Variants in C2orf15 observed in about 807,000 individuals in gnomAD.
C2orf15 encodes chromosome 2 open reading frame 15, also known as uncharacterized protein C2orf15.
In C2orf15, 3 loss-of-function variants were observed where a neutral mutation model predicts 4.4. That is an observed-to-expected ratio of 0.67 (90% confidence interval 0.31 to 1.74). The LOEUF (loss-of-function observed/expected upper bound fraction) is 1.74, where lower values mean the gene tolerates loss of function less well. C2orf15 is among the 40% of genes most tolerant of loss of function. The probability of loss-of-function intolerance (pLI) is 0.09; values close to 1 mark genes in which losing one functional copy is unlikely to be tolerated. For synonymous variants in C2orf15, 37 were observed against 36.8 expected (o/e 1.00, Z -0.02); for missense variants, 90 against 103.3 (o/e 0.87, Z 0.56).
At chr2:99,144,310 C>A (rs1303122257) in intron 2 of C2orf15, among the ~76,000 whole-genome samples, 1 of 152,062 alleles carries the variant, frequency 6.6e-6, no homozygotes, top group Non-Finnish European at 1.5e-5. Context: ...CATGAGCCAC[C>A]GCGCCCGGCC....
At chr2:99,146,180 G>A (rs1284749168) in intron 2 of C2orf15, among the ~76,000 whole-genome samples, 1 of 152,192 alleles carries the variant, frequency 6.6e-6, no homozygotes, top group Non-Finnish European at 1.5e-5. Context: ...CTACTCGGGA[G>A]GCCTCAGCAG....
chr2:99,148,549 T>TATGG (rs1395814512), intron 3 of C2orf15, among the ~76,000 whole-genome samples: 1 of 152,220 alleles, frequency 6.6e-6, no homozygotes, highest in Non-Finnish European at 1.5e-5. Flanking sequence ...CAGTCACAAA[T>TATGG]ATGGATAAAC....
At chr2:99,149,513 G>C (rs1045678891) in intron 3 of C2orf15, among the ~76,000 whole-genome samples, 1 of 150,058 alleles carries the variant, frequency 6.7e-6, no homozygotes, top group Non-Finnish European at 1.5e-5. Flanking sequence ...CGCGATCTCG[G>C]CTCACTGCAA....
rs1302164233 is a variant in C2orf15, at chr2:99,142,382, A to C, written c.-188A>C. 6.6e-6 allele frequency: 1 copy of C among 152,236 alleles called. No homozygotes were observed. Among genetic ancestry groups the C allele is most frequent in the African/African-American group, 2.4e-5 (1 of 41,462 alleles). 9.4% of individuals were successfully genotyped at this position (152,236 alleles called of 1,614,324 possible). On this transcript the variant is annotated 5_prime_UTR_variant, in exon 2 of 4. Transcript: ENST00000650052. ...AGTAAGCTCTCGTTTGAGGAGACTAACAATTCCTGTTTTCGCCAGGTGAGT... is the reference window on the plus strand; with the variant it reads ...AGTAAGCTCTCGTTTGAGGAGACTACCAATTCCTGTTTTCGCCAGGTGAGT...
At chr2:99,143,229 C>T (rs1176587432) in intron 2 of C2orf15, among the ~76,000 whole-genome samples, 1 of 150,400 alleles carries the variant, frequency 6.6e-6, no homozygotes, top group Non-Finnish European at 1.5e-5. Context: ...GCAACCTCCG[C>T]CTCCCGGGTT....
At chr2:99,146,447 AT>A (rs919579514) in intron 2 of C2orf15, among the ~76,000 whole-genome samples, 22 of 151,676 alleles carry the variant, frequency 1.5e-4, no homozygotes, top group African/African-American at 5.1e-4. Flanking sequence ...TTTTGTTTAT[AT>A]TTTTTTCATT....
chr2:99,143,286 C>T (rs912521501), intron 2 of C2orf15, among the ~76,000 whole-genome samples: 2 of 151,196 alleles, frequency 1.3e-5, no homozygotes, highest in East Asian at 1.9e-4. Flanking sequence ...GGACTACAGG[C>T]GCCCACTACT....
Position 99,144,649 on chromosome 2 carries a change from C to CA in C2orf15, c.-169+2270dup, listed in dbSNP as rs70940140. On this transcript the variant is annotated intron_variant, in intron 2 of 3. Transcript: ENST00000650052. ...GGGGGACAAGAACAAAACTCTGTCTCAAAAAAAAAAAAAAAAAAAAAAGAT... is the reference window on the plus strand; with the variant it reads ...GGGGGACAAGAACAAAACTCTGTCTCAAAAAAAAAAAAAAAAAAAAAAAGAT... Among the ~76,000 whole-genome samples the CA allele has an allele frequency of 5.9e-3, 307 of 52,208 alleles. 8 individuals are homozygous for CA. Among genetic ancestry groups the CA allele is most frequent in the South Asian group, 0.011 (10 of 926 alleles). 34.3% of individuals were successfully genotyped at this position (52,208 alleles called of 152,430 possible). A position where few individuals can be genotyped will look rare whatever the true frequency, so the allele number is the denominator to read the frequency against.
intron 3 of C2orf15, 27 bp downstream of exon 3, chr2:99,147,520 C>G: frequency 6.2e-7 from 1 of 1,605,588 alleles, no homozygotes; most frequent in South Asian, 1.1e-5. Flanking sequence ...CAAGTCTACC[C>G]TATTATACTT....
At chr2:99,143,234 C>T (rs1356427153) in intron 2 of C2orf15, among the ~76,000 whole-genome samples, 15 of 146,936 alleles carry the variant, frequency 1.0e-4, no homozygotes, top group East Asian at 2.1e-4. Context: ...CTCCGCCTCC[C>T]GGGTTCATGC....
chr2:99,148,044 A>G (rs545789866), intron 3 of C2orf15, among the ~76,000 whole-genome samples: 1 of 152,280 alleles, frequency 6.6e-6, no homozygotes, highest in South Asian at 2.1e-4. Context: ...CCAATTCAAG[A>G]GCATTGGTTG....
intron 3 of C2orf15, among the ~76,000 whole-genome samples, chr2:99,149,912 C>G (rs187405804): frequency 0.017 from 2,650 of 151,820 alleles, 38 homozygotes; most frequent in South Asian, 0.04. Context: ...CTTGCCTCAG[C>G]CTCCTGAATA....
intron 2 of C2orf15, among the ~76,000 whole-genome samples, chr2:99,146,256 C>G (rs2093630767): frequency 6.6e-6 from 1 of 152,176 alleles, no homozygotes; most frequent in Non-Finnish European, 1.5e-5. Flanking sequence ...TCTCTGATTC[C>G]TAGTTAATTA....
At position 99,150,973 on chromosome 2, in the gene C2orf15, T is replaced by A; in HGVS notation, c.*139T>A. On this transcript the variant is annotated 3_prime_UTR_variant, in exon 4 of 4. Transcript: ENST00000650052. ...CTTATTTTGCACTATTTGTGAATCA[T>A]CTTACACTGCATTTTTTTATGATGC... 1 of 550,684 alleles carries A rather than the reference T, an allele frequency of 1.8e-6. No homozygotes were observed. Among genetic ancestry groups the A allele is most frequent in the Non-Finnish European group, 3.2e-6 (1 of 309,460 alleles). The allele number at this position is 550,684 out of a possible 1,614,324, so 34.1% of individuals were successfully genotyped here. A position where few individuals can be genotyped will look rare whatever the true frequency, so the allele number is the denominator to read the frequency against.
At chr2:99,144,121 C>T (rs941998927) in intron 2 of C2orf15, among the ~76,000 whole-genome samples, 3 of 152,218 alleles carry the variant, frequency 2.0e-5, no homozygotes, top group South Asian at 2.1e-4. Context: ...CGCGGCTTCA[C>T]GCCATTCTCC....
At chr2:99,147,893 C>T (rs1484958660) in intron 3 of C2orf15, among the ~76,000 whole-genome samples, 1 of 152,154 alleles carries the variant, frequency 6.6e-6, no homozygotes, top group Non-Finnish European at 1.5e-5. Flanking sequence ...AGAACAAGGA[C>T]ATTGACTTAT....
At chr2:99,144,011 T>C (rs1358392403) in intron 2 of C2orf15, among the ~76,000 whole-genome samples, 1 of 127,270 alleles carries the variant, frequency 7.9e-6, no homozygotes, top group Non-Finnish European at 1.8e-5. Context: ...TCACTGATGC[T>C]GTGTTCCTTT....
chr2:99,147,529 TTG>T (rs1267771376), intron 3 of C2orf15, 36 bp downstream of exon 3: 1 of 1,594,576 alleles, frequency 6.3e-7, no homozygotes, highest in Non-Finnish European at 8.6e-7. Flanking sequence ...CCTATTATAC[TTG>T]GTTCCTCCTC....
chr2:99,142,457 G>A (rs2093577881), intron 2 of C2orf15, 56 bp downstream of exon 2: 1 of 152,142 alleles, frequency 6.6e-6, no homozygotes. Context: ...AACAACTTTT[G>A]TGTAGAACAA....
Sources: allele counts gnomAD v4.1 joint callset (sites outside exome capture counted in the v4.1 genomes callset), GRCh38; gene constraint gnomAD v4.1.1; transcripts MANE v1.5; gene names NCBI Gene and HGNC (gene_info 2026-07-23, HGNC 2026-07-21).